AFF3: variants seen among roughly 807,000 people sequenced by gnomAD.
The protein encoded by AFF3 is ALF transcription elongation factor 3, also known as AF4/FMR2 family member 3.
AFF3 carries 32 observed loss-of-function variants against 129.7 expected under a neutral mutation model. The observed-to-expected ratio is 0.25, with a 90% CI of 0.19 to 0.33. The LOEUF (loss-of-function observed/expected upper bound fraction) is 0.33, where lower values mean the gene tolerates loss of function less well. Among genes scored for constraint, AFF3 ranks in the 10% least tolerant of loss-of-function variants. AFF3 has a pLI of 1.00. For missense variants in AFF3, 1,373 were observed against 1,592.0 expected, an observed-to-expected ratio of 0.86 and a Z score of 2.34; for synonymous variants, 644 against 635.4, an observed-to-expected ratio of 1.01 and a Z score of -0.20.
chr2:99,747,398 T>C (rs181842635), intron 9 of AFF3, among the ~76,000 whole-genome samples: 1 of 152,060 alleles, frequency 6.6e-6, no homozygotes, highest in African/African-American at 2.4e-5. Flanking sequence ...GGCACGATCA[T>C]GGCTCACTGC....
At chr2:100,123,983 A>G (rs1692083890) in intron 2 of AFF3, among the ~76,000 whole-genome samples, 1 of 152,216 alleles carries the variant, frequency 6.6e-6, no homozygotes, top group Non-Finnish European at 1.5e-5. Context: ...GATTTGGGAG[A>G]AAATATTACA....
intron 8 of AFF3, among the ~76,000 whole-genome samples, chr2:99,829,359 A>G (rs1688344235): frequency 6.6e-6 from 1 of 152,116 alleles, no homozygotes. Flanking sequence ...AACCTACAAA[A>G]TGGGAGAAAA....
At chr2:99,737,562 T>C (rs934816619) in intron 10 of AFF3, among the ~76,000 whole-genome samples, 9 of 152,134 alleles carry the variant, frequency 5.9e-5, no homozygotes, top group African/African-American at 2.2e-4. Context: ...AGGTGTAAGT[T>C]GGTTGAGTTG....
rs191277727 is a variant in AFF3, at chr2:100,007,329, C to T, written c.306G>A (p.Gln102=). 31 of 1,614,180 alleles carry T rather than the reference C, an allele frequency of 1.9e-5. No individual in the cohort carries two copies. In the East Asian group the frequency reaches 6.2e-4, roughly 32 times the overall value. ...LVGVPKPGVP[Q]TPVNKIDEHF... Reference sequence around the variant, plus strand: ...GTTCATCGATCTTGTTCACAGGAGTCTGAGGAACCCCAGGTTTGGGAACTC... The same window carrying T: ...GTTCATCGATCTTGTTCACAGGAGTTTGAGGAACCCCAGGTTTGGGAACTC... Residue 102 remains glutamine, a synonymous_variant, in exon 6 of 25, where the codon CAG becomes CAA. Transcript: ENST00000672756.
At chr2:99,795,102 T>C (rs1685469461) in intron 8 of AFF3, among the ~76,000 whole-genome samples, 1 of 152,072 alleles carries the variant, frequency 6.6e-6, no homozygotes, top group African/African-American at 2.4e-5. Flanking sequence ...TGATTCACAA[T>C]AGCAATGATA....
intron 8 of AFF3, among the ~76,000 whole-genome samples, chr2:99,771,328 T>G (rs1328885353): frequency 2.0e-5 from 3 of 150,850 alleles, no homozygotes; most frequent in Non-Finnish European, 4.4e-5. Flanking sequence ...AGTTGATCTG[T>G]GCAGCAAACC....
intron 7 of AFF3, among the ~76,000 whole-genome samples, chr2:99,992,193 T>G (rs982144299): frequency 6.6e-6 from 1 of 152,216 alleles, no homozygotes; most frequent in African/African-American, 2.4e-5. Flanking sequence ...TTATTTATTT[T>G]TTTTACTTCT....
At chr2:99,717,642 C>T (rs559029833) in intron 11 of AFF3, among the ~76,000 whole-genome samples, 15 of 152,108 alleles carry the variant, frequency 9.9e-5, no homozygotes, top group South Asian at 2.1e-4. Flanking sequence ...ACACGTATTG[C>T]GAATATATTC....
chr2:100,022,662 T>C (rs1197402149), intron 4 of AFF3, among the ~76,000 whole-genome samples: 3 of 152,200 alleles, frequency 2.0e-5, no homozygotes, highest in Admixed American at 1.3e-4. Context: ...TCCGCCTGCC[T>C]TGGCCTCCCA....
At chr2:99,867,575 TTAAAAAAAA>T (rs1691514813) in intron 7 of AFF3, among the ~76,000 whole-genome samples, 1 of 98,304 alleles carries the variant, frequency 1.0e-5, no homozygotes, top group Admixed American at 8.5e-5. Flanking sequence ...TATTTCTATA[TTAAAAAAAA>T]AAAAAAAAAC....
At chr2:99,634,922 T>G (rs2105429598) in intron 13 of AFF3, among the ~76,000 whole-genome samples, 1 of 149,970 alleles carries the variant, frequency 6.7e-6, no homozygotes, top group East Asian at 2.0e-4. Context: ...GTGCTCAGAC[T>G]TGTGCTGTGA....
At chr2:100,121,983 ACCCGGGAAG>A (rs1691990179) in intron 2 of AFF3, among the ~76,000 whole-genome samples, 1 of 152,102 alleles carries the variant, frequency 6.6e-6, no homozygotes, top group South Asian at 2.1e-4. Context: ...AATGGCGTGA[ACCCGGGAAG>A]CGGAGCTTGC....
At chr2:100,127,078 C>A (rs1322094171) in intron 2 of AFF3, among the ~76,000 whole-genome samples, 1 of 152,106 alleles carries the variant, frequency 6.6e-6, no homozygotes, top group Non-Finnish European at 1.5e-5. Context: ...TCTGGGAGGT[C>A]CCTGGTGGTG....
intron 4 of AFF3, among the ~76,000 whole-genome samples, chr2:100,034,797 T>C (rs1158050796): frequency 6.6e-6 from 1 of 152,180 alleles, no homozygotes; most frequent in African/African-American, 2.4e-5. Flanking sequence ...ATCACCTAAG[T>C]TCCCCCGGTT....
At chr2:99,787,812 G>A (rs927450189) in intron 8 of AFF3, among the ~76,000 whole-genome samples, 59 of 152,166 alleles carry the variant, frequency 3.9e-4, no homozygotes, top group African/African-American at 1.3e-3. Flanking sequence ...GGAGATCTGG[G>A]GCTGGCCATC....
chr2:99,702,128 T>C (rs1057044753), intron 11 of AFF3, among the ~76,000 whole-genome samples: 1 of 152,236 alleles, frequency 6.6e-6, no homozygotes, highest in Non-Finnish European at 1.5e-5. Flanking sequence ...TTCTCTGGGA[T>C]ATATGCCCAA....
intron 7 of AFF3, among the ~76,000 whole-genome samples, chr2:99,906,345 C>A (rs1235135212): frequency 6.6e-6 from 1 of 152,148 alleles, no homozygotes; most frequent in African/African-American, 2.4e-5. Context: ...CAGAGCTGGG[C>A]TTCAGATTCA....
At chr2:100,002,788 T>C (rs1681547789) in intron 7 of AFF3, among the ~76,000 whole-genome samples, 1 of 152,178 alleles carries the variant, frequency 6.6e-6, no homozygotes. Context: ...TATAAATGTG[T>C]AGGTTTTGGA....
chr2:99,641,760 C>A (rs1684212904), intron 13 of AFF3, among the ~76,000 whole-genome samples: 1 of 152,160 alleles, frequency 6.6e-6, no homozygotes, highest in African/African-American at 2.4e-5. Context: ...ACATTGCATT[C>A]TTCCTTCCTC....
Sources: allele counts gnomAD v4.1 joint callset (sites outside exome capture counted in the v4.1 genomes callset), GRCh38; gene constraint gnomAD v4.1.1; transcripts MANE v1.5; gene names NCBI Gene and HGNC (gene_info 2026-07-23, HGNC 2026-07-21).